Variants in NOSTRIN observed in about 807,000 individuals in gnomAD.
The protein encoded by NOSTRIN is nitric oxide synthase trafficking, also known as BM247 homolog.
A neutral mutation model predicts 59.0 loss-of-function variants in NOSTRIN; 63 were observed. The observed-to-expected ratio is 1.07, with a 90% confidence interval of 0.87 to 1.32. The LOEUF (loss-of-function observed/expected upper bound fraction) is 1.32, where lower values mean the gene tolerates loss of function less well. Ranked by LOEUF, NOSTRIN falls within the 40% of genes most tolerant of loss-of-function variation. The pLI, the probability that NOSTRIN is intolerant of heterozygous loss-of-function variation, is 0.00. For synonymous variants in NOSTRIN, 200 were observed against 165.4 expected (o/e 1.21, Z -1.61); for missense variants, 512 against 473.1 (o/e 1.08, Z -0.76).
At position 168,840,542 on chromosome 2, in the gene NOSTRIN, A is replaced by C. The variant is rs868796850; in HGVS notation, c.505-2450A>C. On this transcript the variant is annotated intron_variant, in intron 7 of 15. Coordinates refer to ENST00000317647, the MANE Select transcript of NOSTRIN (RefSeq NM_001039724.4). The stretch of plus-strand genomic sequence containing the variant: ...GAGACTCCATCTCAAAAAAAAAAAA[A>C]AAAAAAAAACAAAAAAACAGATATG... 2.9e-4 allele frequency among the ~76,000 whole-genome samples: 44 copies of C among 151,144 alleles called. 1 individual carries two copies. In the South Asian group the frequency reaches 5.4e-3, roughly 19 times the overall value.
rs1445231848 is a variant in NOSTRIN at position 168,865,259 on chromosome 2, G to A, written c.*289G>A. 1.1e-5 allele frequency: 3 copies of A among 283,534 alleles called. No homozygotes were observed. Among genetic ancestry groups the A allele is most frequent in the Non-Finnish European group, 2.0e-5 (3 of 150,894 alleles). 17.6% of individuals were successfully genotyped at this position (283,534 alleles called of 1,614,324 possible). On this transcript the variant is annotated 3_prime_UTR_variant, in exon 16 of 16. Transcript: ENST00000317647. ...AACCCCTGGTGTCACAGAAACAGACGGAGTCCAAGGTGGGTTCAGCTGCTT... is the reference window on the plus strand; with the variant it reads ...AACCCCTGGTGTCACAGAAACAGACAGAGTCCAAGGTGGGTTCAGCTGCTT...
chr2:168,861,968 G>A lies in NOSTRIN; in HGVS notation c.1303G>A (p.Ala435Thr). 1 of 1,614,110 alleles carries A rather than the reference G, an allele frequency of 6.2e-7. No individual in the cohort carries two copies. Among genetic ancestry groups the A allele is most frequent in the African/African-American group, 1.3e-5 (1 of 75,052 alleles). ...NPGSSTPAPG[A>T]AQLSSRLCKA... Reference sequence around the variant, plus strand: ...AGCTTTATCTATTTCAGCCCCTGGTGCAGCCCAGCTCAGCAGCAGACTTTG... The same window carrying A: ...AGCTTTATCTATTTCAGCCCCTGGTACAGCCCAGCTCAGCAGCAGACTTTG... The change falls in exon 15 of 16, where the codon GCA (alanine) becomes ACA (threonine). Residue 435 changes from alanine (A) to threonine (T), a missense_variant. Coordinates refer to ENST00000317647, the MANE Select transcript of NOSTRIN (RefSeq NM_001039724.4).
chr2:168,818,395 A>G (rs1172583475), intron 2 of NOSTRIN: 1 of 167,058 alleles, frequency 6.0e-6, no homozygotes, highest in Non-Finnish European at 1.3e-5. Flanking sequence ...GGTCTTAATG[A>G]TTCTCCTACC....
intron 15 of NOSTRIN, among the ~76,000 whole-genome samples, chr2:168,862,339 A>G (rs1247371303): frequency 6.6e-6 from 1 of 152,214 alleles, no homozygotes; most frequent in African/African-American, 2.4e-5. Flanking sequence ...GGAGACTGAT[A>G]CACAGGAAGG....
At chr2:168,800,108 A>G (rs1268859464), upstream of NOSTRIN, among the ~76,000 whole-genome samples, 1 of 152,156 alleles carries the variant, frequency 6.6e-6, no homozygotes, top group Non-Finnish European at 1.5e-5. Context: ...TGGTTAGACT[A>G]CCAGCTGATG....
chr2:168,860,998 C>T, intron 14 of NOSTRIN, 89 bp downstream of exon 14: 1 of 797,856 alleles, frequency 1.3e-6, no homozygotes. Flanking sequence ...GCCACTTTGA[C>T]CTGTATCTGT....
At chr2:168,824,791 T>TGTTTGTTTGTTG in intron 3 of NOSTRIN, 74 bp downstream of exon 3, 1 of 785,686 alleles carries the variant, frequency 1.3e-6, no homozygotes, top group Non-Finnish European at 2.2e-6. Context: ...TTTGTTTGTT[T>TGTTTGTTTGTTG]TTTGAGACAG....
At chr2:168,809,202 G>A (rs1046560058) in intron 1 of NOSTRIN, among the ~76,000 whole-genome samples, 1 of 152,172 alleles carries the variant, frequency 6.6e-6, no homozygotes, top group African/African-American at 2.4e-5. Flanking sequence ...ACAGCCATCA[G>A]GGACCCAGGC....
chr2:168,841,230 G>A (rs1688076312), intron 7 of NOSTRIN, among the ~76,000 whole-genome samples: 1 of 95,524 alleles, frequency 1.0e-5, no homozygotes, highest in African/African-American at 4.7e-5. Flanking sequence ...GCCAGACCCT[G>A]TCTCCAAAAA....
At chr2:168,801,544 G>C (rs181653132), upstream of NOSTRIN, among the ~76,000 whole-genome samples, 82 of 152,210 alleles carry the variant, frequency 5.4e-4, no homozygotes, top group Middle Eastern at 3.4e-3. Context: ...ACTTTGAATG[G>C]AGCCTGCACA....
At chr2:168,849,636 A>C (rs796124430) in intron 8 of NOSTRIN, among the ~76,000 whole-genome samples, 3 of 148,586 alleles carry the variant, frequency 2.0e-5, no homozygotes, top group Non-Finnish European at 4.4e-5. Flanking sequence ...GATTATAGGC[A>C]TGAGCCACCG....
upstream of NOSTRIN, among the ~76,000 whole-genome samples, chr2:168,799,391 C>T (rs998441707): frequency 1.3e-5 from 2 of 152,206 alleles, no homozygotes; most frequent in Non-Finnish European, 1.5e-5. Context: ...AACTCAGTCT[C>T]CTCCTCCCAA....
At chr2:168,802,703 G>T in intron 1 of NOSTRIN, 30 bp downstream of exon 1, 2 of 867,098 alleles carry the variant, frequency 2.3e-6, no homozygotes, top group Non-Finnish European at 4.0e-6. Context: ...TTGTGTGCCT[G>T]CGTGTGAGGA....
chr2:168,854,876 A>G (rs1008115129), intron 10 of NOSTRIN, among the ~76,000 whole-genome samples: 1 of 152,204 alleles, frequency 6.6e-6, no homozygotes, highest in Non-Finnish European at 1.5e-5. Context: ...TTCTGGAAAG[A>G]GCATATGTGT....
chr2:168,853,239 A>G (rs953385559), intron 10 of NOSTRIN, among the ~76,000 whole-genome samples: 3 of 152,228 alleles, frequency 2.0e-5, no homozygotes, highest in Non-Finnish European at 2.9e-5. Context: ...AAGGCAAAGC[A>G]CCCCAATGTC....
intron 13 of NOSTRIN, among the ~76,000 whole-genome samples, chr2:168,860,043 C>T (rs1689345823): frequency 1.3e-5 from 2 of 152,170 alleles, no homozygotes; most frequent in Admixed American, 6.5e-5. Flanking sequence ...TGCATCAGTA[C>T]AGCTCTGAAA....
chr2:168,818,192 T>A (rs1339999859), intron 2 of NOSTRIN: 1 of 372,058 alleles, frequency 2.7e-6, no homozygotes, highest in Non-Finnish European at 5.5e-6. Flanking sequence ...CTCATTCTGC[T>A]GCTCAGGCTG....
chr2:168,863,590 T>C (rs927631192), intron 15 of NOSTRIN: 2 of 985,152 alleles, frequency 2.0e-6, no homozygotes, highest in African/African-American at 1.7e-5. Context: ...TGTCTCCAAA[T>C]TGATGTTGTA....
At chr2:168,864,085 A>G (rs1279874902) in intron 15 of NOSTRIN, among the ~76,000 whole-genome samples, 1 of 152,090 alleles carries the variant, frequency 6.6e-6, no homozygotes, top group Non-Finnish European at 1.5e-5. Context: ...CTCCTGCCTC[A>G]GTCTCCCAAA....
Sources: gnomAD v4.1 joint callset for allele counts (sites outside exome capture counted in the v4.1 genomes callset) on GRCh38, gnomAD v4.1.1 for gene constraint, MANE v1.5 for transcripts, NCBI Gene and HGNC (gene_info 2026-07-23, HGNC 2026-07-21) for gene names.